The following FANCB variants were observed in gnomAD, a reference collection of about 807,000 sequenced individuals.
FANCB encodes the protein Fanconi anemia group B protein.
In FANCB, 5 loss-of-function variants were observed where a neutral mutation model predicts 38.9. The observed-to-expected ratio is 0.13, with a 90% CI of 0.07 to 0.27. The LOEUF (loss-of-function observed/expected upper bound fraction) is 0.27, where lower values mean the gene tolerates loss of function less well. Ranked by LOEUF, FANCB falls within the 10% of genes least tolerant of loss-of-function variation. The pLI, the probability that FANCB is intolerant of heterozygous loss-of-function variation, is 1.00. For missense variants in FANCB, 573 were observed against 602.7 expected (o/e 0.95, Z 0.52); for synonymous variants, 236 against 215.4 (o/e 1.10, Z -0.84).
chrX:14,808,465 T>C, the FANCB span, among the ~76,000 whole-genome samples: 2 of 111,953 alleles, frequency 1.8e-5, no homozygotes, highest in Non-Finnish European at 1.9e-5. Context: ...ATAAAAACCA[T>C]AGGATCATTT....
At chrX:14,803,941 C>G in the FANCB span, among the ~76,000 whole-genome samples, 1 of 111,637 alleles carries the variant, frequency 9.0e-6, no homozygotes, top group Non-Finnish European at 1.9e-5. Flanking sequence ...GAGATACCAT[C>G]TCACACCAGT....
chrX:14,847,624 T>G (rs2092382375), intron 7 of FANCB, among the ~76,000 whole-genome samples: 1 of 109,559 alleles, frequency 9.1e-6, no homozygotes, highest in South Asian at 3.8e-4. Context: ...ACAAAACAGT[T>G]TGAGGAAGCT....
intron 1 of FANCB, among the ~76,000 whole-genome samples, chrX:14,870,675 C>T (rs1000859179): frequency 9.0e-6 from 1 of 111,517 alleles, no homozygotes; most frequent in African/African-American, 3.3e-5. Flanking sequence ...TCATCCTCAT[C>T]TACTCTTTAC....
At chrX:14,690,915 T>A in the FANCB span, 3 of 1,147,282 alleles carry the variant, frequency 2.6e-6, no homozygotes, top group Admixed American at 4.4e-5. Flanking sequence ...AGCTAGGCAA[T>A]GTAATTCAGA....
At chrX:14,733,055 G>T in the FANCB span, among the ~76,000 whole-genome samples, 4 of 111,851 alleles carry the variant, frequency 3.6e-5, no homozygotes, top group Admixed American at 9.5e-5. Flanking sequence ...TTTTTATAAG[G>T]TGTAAAGAAG....
chrX:14,868,622 A>G (rs1315537458), intron 2 of FANCB, among the ~76,000 whole-genome samples: 1 of 111,281 alleles, frequency 9.0e-6, no homozygotes, highest in Non-Finnish European at 1.9e-5. Context: ...GGTTGCTCAA[A>G]GGGTACAAAG....
the FANCB span, among the ~76,000 whole-genome samples, chrX:14,745,947 AC>A: frequency 9.1e-6 from 1 of 109,432 alleles, no homozygotes; most frequent in African/African-American, 3.3e-5. Flanking sequence ...TGATCTGCCC[AC>A]CTTGGCCTCC....
the FANCB span, among the ~76,000 whole-genome samples, chrX:14,713,698 T>A: frequency 2.7e-5 from 3 of 110,649 alleles, no homozygotes; most frequent in East Asian, 8.5e-4. Flanking sequence ...GACTTCAGAG[T>A]TTGCATGGCC....
chrX:14,775,676 C>T, the FANCB span, among the ~76,000 whole-genome samples: 3 of 111,693 alleles, frequency 2.7e-5, no homozygotes, highest in Admixed American at 9.5e-5. Flanking sequence ...TCTCCTGAGA[C>T]AGAACAATAT....
At chrX:14,860,057 G>C (rs1331905198) in intron 3 of FANCB, among the ~76,000 whole-genome samples, 1 of 111,420 alleles carries the variant, frequency 9.0e-6, no homozygotes, top group East Asian at 2.8e-4. Context: ...GAGACCTCAA[G>C]TTTAAAATAG....
At chrX:14,813,732 T>A in the FANCB span, among the ~76,000 whole-genome samples, 1 of 111,695 alleles carries the variant, frequency 9.0e-6, no homozygotes, top group African/African-American at 3.3e-5. Flanking sequence ...ATCAATATCC[T>A]GAAAATGGCC....
chrX:14,707,722 T>G, the FANCB span, among the ~76,000 whole-genome samples: 1 of 107,491 alleles, frequency 9.3e-6, no homozygotes, highest in Non-Finnish European at 1.9e-5. Context: ...TGGTTAGTAA[T>G]GGAAAATATG....
the FANCB span, among the ~76,000 whole-genome samples, chrX:14,750,262 G>A: frequency 2.7e-5 from 3 of 111,819 alleles, no homozygotes; most frequent in Non-Finnish European, 5.6e-5. Flanking sequence ...GGTAATGCTA[G>A]CTGCTTTAAC....
chrX:14,808,467 G>A, the FANCB span, among the ~76,000 whole-genome samples: 3 of 111,721 alleles, frequency 2.7e-5, no homozygotes, highest in East Asian at 8.4e-4. Flanking sequence ...AAAAACCATA[G>A]GATCATTTCA....
At chrX:14,712,947 C>A in the FANCB span, among the ~76,000 whole-genome samples, 64 of 112,015 alleles carry the variant, frequency 5.7e-4, no homozygotes, top group African/African-American at 1.8e-3. Context: ...CTGAAAAATC[C>A]TAACCTGCAA....
At chrX:14,845,396 T>A in intron 7 of FANCB, 110 bp from the exon 8 acceptor site, 1 of 596,855 alleles carries the variant, frequency 1.7e-6, no homozygotes, top group Non-Finnish European at 2.7e-6. Context: ...TTTCCTTTCC[T>A]AGAAAACATC....
At chrX:14,785,706 G>A in the FANCB span, among the ~76,000 whole-genome samples, 6 of 111,675 alleles carry the variant, frequency 5.4e-5, no homozygotes, top group Non-Finnish European at 1.1e-4. Flanking sequence ...TCTCTTGGGA[G>A]GCCAGCACTT....
the FANCB span, among the ~76,000 whole-genome samples, chrX:14,790,366 T>C: frequency 8.9e-6 from 1 of 111,955 alleles, no homozygotes; most frequent in Non-Finnish European, 1.9e-5. Flanking sequence ...AAAATGCTAA[T>C]TTAGAGATCA....
the FANCB span, among the ~76,000 whole-genome samples, chrX:14,774,343 A>G: frequency 8.9e-6 from 1 of 112,269 alleles, no homozygotes; most frequent in Non-Finnish European, 1.9e-5. Flanking sequence ...TATGGAGCTG[A>G]TACACAACCA....
Sources: allele counts gnomAD v4.1 joint callset (sites outside exome capture counted in the v4.1 genomes callset), GRCh38; gene constraint gnomAD v4.1.1; transcripts MANE v1.5; gene names NCBI Gene and HGNC (gene_info 2026-07-23, HGNC 2026-07-21).